NTM: variants seen among roughly 807,000 people sequenced by gnomAD.
The protein encoded by NTM is neurotrimin, also known as IgLON family member 2.
A neutral mutation model predicts 42.1 loss-of-function variants in NTM; 13 were observed. The observed-to-expected ratio is 0.31, with a 90% CI of 0.20 to 0.49. The LOEUF (loss-of-function observed/expected upper bound fraction) is 0.49, where lower values mean the gene tolerates loss of function less well. Among genes scored for constraint, NTM ranks in the 20% least tolerant of loss-of-function variants. The probability of loss-of-function intolerance (pLI) is 0.99; values close to 1 mark genes in which losing one functional copy is unlikely to be tolerated. For synonymous variants in NTM, 187 were observed against 179.2 expected (o/e 1.04, Z -0.35); for missense variants, 373 against 452.8 (o/e 0.82, Z 1.60).
rs1225192761 is a variant in NTM, at chr11:131,454,719, T to G, written c.82+83831T>G. On this transcript the variant is annotated intron_variant, in intron 1 of 8. Coordinates refer to ENST00000683400, the MANE Select transcript of NTM (RefSeq NM_001352005.2). ...GTGATGGGGAGAGGGGCGGGAGCAGTGGAGAAAGGGGCTTGACTTAGAAAT... is the reference window on the plus strand; with the variant it reads ...GTGATGGGGAGAGGGGCGGGAGCAGGGGAGAAAGGGGCTTGACTTAGAAAT... Among the ~76,000 whole-genome samples, 2 of 145,480 alleles carry G rather than the reference T, an allele frequency of 1.4e-5. 1 individual carries two copies.
At chr11:131,883,296 C>T (rs900274095) in intron 1 of NTM, among the ~76,000 whole-genome samples, 1 of 152,182 alleles carries the variant, frequency 6.6e-6, no homozygotes, top group African/African-American at 2.4e-5. Context: ...AGTCTCCTTC[C>T]CAAAGCTGGA....
intron 1 of NTM, among the ~76,000 whole-genome samples, chr11:131,426,858 C>T (rs1233390251): frequency 6.6e-6 from 1 of 152,094 alleles, no homozygotes; most frequent in Non-Finnish European, 1.5e-5. Context: ...CAACATTCCT[C>T]CTCCTCTATC....
At chr11:131,923,922 C>T (rs916262168) in intron 2 of NTM, among the ~76,000 whole-genome samples, 16 of 152,196 alleles carry the variant, frequency 1.1e-4, no homozygotes, top group Non-Finnish European at 1.8e-4. Context: ...CCTTGCTGTG[C>T]CTCAGTTTAT....
At chr11:131,473,052 A>G (rs1164304214) in intron 1 of NTM, among the ~76,000 whole-genome samples, 3 of 152,360 alleles carry the variant, frequency 2.0e-5, no homozygotes, top group Non-Finnish European at 2.9e-5. Flanking sequence ...CAATATTTCC[A>G]GGGTGGTTAC....
chr11:131,804,035 C>G (rs1191085854), intron 1 of NTM, among the ~76,000 whole-genome samples: 1 of 152,180 alleles, frequency 6.6e-6, no homozygotes, highest in Non-Finnish European at 1.5e-5. Context: ...CTTCCTTGCC[C>G]CGACATAAAA....
intron 1 of NTM, among the ~76,000 whole-genome samples, chr11:131,500,109 C>A (rs182519145): frequency 1.3e-5 from 2 of 152,300 alleles, no homozygotes; most frequent in East Asian, 3.9e-4. Flanking sequence ...CTCACTCCCA[C>A]GTGACATCAG....
chr11:132,231,999 T>A (rs1592388238), intron 4 of NTM, among the ~76,000 whole-genome samples: 1 of 151,978 alleles, frequency 6.6e-6, no homozygotes, highest in South Asian at 2.1e-4. Flanking sequence ...GCCAAGTGGG[T>A]GGAAGGCAGA....
At chr11:131,939,349 A>G (rs2059557309) in intron 2 of NTM, among the ~76,000 whole-genome samples, 2 of 152,176 alleles carry the variant, frequency 1.3e-5, no homozygotes, top group South Asian at 2.1e-4. Context: ...AGTGAAAAGT[A>G]TCCATGGGAC....
chr11:131,411,335 A>G (rs1946378796), intron 1 of NTM, among the ~76,000 whole-genome samples: 1 of 152,154 alleles, frequency 6.6e-6, no homozygotes, highest in African/African-American at 2.4e-5. Flanking sequence ...TTCTAGCACA[A>G]TGCCTGGTTC....
chr11:131,781,105 T>C (rs181495557), intron 1 of NTM, among the ~76,000 whole-genome samples: 1 of 152,180 alleles, frequency 6.6e-6, no homozygotes, highest in East Asian at 1.9e-4. Flanking sequence ...TAGAAAATGA[T>C]GTAACTGCAG....
At chr11:132,287,474 C>A (rs1398059225) in intron 4 of NTM, among the ~76,000 whole-genome samples, 3 of 152,074 alleles carry the variant, frequency 2.0e-5, no homozygotes, top group Non-Finnish European at 2.9e-5. Context: ...GACCCTAGAG[C>A]TGCATATGTG....
Position 131,887,675 on chromosome 11 carries a change from A to G in NTM, c.83-23889A>G, listed in dbSNP as rs114322031. On this transcript the variant is annotated intron_variant, in intron 1 of 8. Coordinates refer to ENST00000683400, the MANE Select transcript of NTM (RefSeq NM_001352005.2). ...CAAAATTTCAGACTTGTTAGATGCC[A>G]CTCTCTTTGCTCCCATCGCACTGTA... 6.2e-3 allele frequency among the ~76,000 whole-genome samples: 944 copies of G among 152,214 alleles called. 16 individuals carry two copies. Among genetic ancestry groups the G allele is most frequent in the African/African-American group, 0.022 (907 of 41,528 alleles).
At chr11:132,127,088 C>A (rs1566236653) in intron 2 of NTM, among the ~76,000 whole-genome samples, 1 of 152,114 alleles carries the variant, frequency 6.6e-6, no homozygotes, top group Non-Finnish European at 1.5e-5. Flanking sequence ...TCCCAAAACT[C>A]CTCCTATTTC....
At chr11:132,018,565 T>A (rs967549430) in intron 2 of NTM, among the ~76,000 whole-genome samples, 4 of 152,036 alleles carry the variant, frequency 2.6e-5, no homozygotes, top group Non-Finnish European at 5.9e-5. Context: ...CTATCATTTT[T>A]GCAATAAGTC....
At chr11:131,486,016 G>T (rs373346162) in intron 1 of NTM, among the ~76,000 whole-genome samples, 1 of 152,076 alleles carries the variant, frequency 6.6e-6, no homozygotes, top group African/African-American at 2.4e-5. Context: ...CAGAGTTGTC[G>T]TGAGGTTCAA....
chr11:132,166,083 C>G (rs867056640), intron 3 of NTM, among the ~76,000 whole-genome samples: 2 of 152,204 alleles, frequency 1.3e-5, no homozygotes, highest in African/African-American at 2.4e-5. Flanking sequence ...TTTTAATGCT[C>G]TATCCTGCTT....
intron 1 of NTM, among the ~76,000 whole-genome samples, chr11:131,431,693 C>G (rs904698601): frequency 7.2e-5 from 11 of 152,184 alleles, no homozygotes; most frequent in African/African-American, 1.9e-4. Context: ...CACCCTGGAT[C>G]TGGATAAAGT....
chr11:131,454,912 C>T (rs1425479801), intron 1 of NTM, among the ~76,000 whole-genome samples: 5 of 152,006 alleles, frequency 3.3e-5, no homozygotes, highest in African/African-American at 9.7e-5. Flanking sequence ...CTGAAATGTG[C>T]CTCCAGCAAA....
At chr11:131,463,729 A>G (rs1591743235) in intron 1 of NTM, among the ~76,000 whole-genome samples, 1 of 152,196 alleles carries the variant, frequency 6.6e-6, no homozygotes, top group Non-Finnish European at 1.5e-5. Context: ...ACGCTTCTTC[A>G]TTGCTGAAAT....
Sources: allele counts gnomAD v4.1 joint callset (sites outside exome capture counted in the v4.1 genomes callset), GRCh38; gene constraint gnomAD v4.1.1; transcripts MANE v1.5; gene names NCBI Gene and HGNC (gene_info 2026-07-23, HGNC 2026-07-21).